The following ITGA8 variants were observed in gnomAD, a reference collection of about 807,000 sequenced individuals.
ITGA8 encodes integrin subunit alpha 8.
A neutral mutation model predicts 142.3 loss-of-function variants in ITGA8; 91 were observed. That is an observed-to-expected ratio of 0.64 (90% CI 0.54 to 0.76). The LOEUF is 0.76. Among genes scored for constraint, ITGA8 ranks in the 30% least tolerant of loss-of-function variants. The probability of loss-of-function intolerance (pLI) is 0.00; values close to 1 mark genes in which losing one functional copy is unlikely to be tolerated. For missense variants in ITGA8, 1,406 were observed against 1,327.7 expected, an observed-to-expected ratio of 1.06 and a Z score of -0.92; for synonymous variants, 505 against 485.2, an observed-to-expected ratio of 1.04 and a Z score of -0.54.
rs9333172 is a variant in ITGA8, at chr10:15,592,667, C to T, written c.2212-363G>A. ...TCACCCAGGCTGGAGTGCATTAGTG[C>T]GAGCATGGCTCACTGCAGCCTCAAC... On this transcript the variant is annotated intron_variant, in intron 21 of 29. Transcript: ENST00000378076. 2.4e-3 allele frequency among the ~76,000 whole-genome samples: 369 copies of T among 152,300 alleles called. 2 individuals carry two copies. The highest frequency in any genetic ancestry group is 8.3e-3 in the African/African-American group (346 of 41,570).
At chr10:15,534,802 T>A (rs570548978) in intron 27 of ITGA8, among the ~76,000 whole-genome samples, 110 of 152,324 alleles carry the variant, frequency 7.2e-4, no homozygotes, top group African/African-American at 2.6e-3. Context: ...GGTGACAGCA[T>A]GCTGGCAGCC....
At chr10:15,666,592 G>C (rs951931137) in intron 8 of ITGA8, among the ~76,000 whole-genome samples, 1 of 152,136 alleles carries the variant, frequency 6.6e-6, no homozygotes, top group African/African-American at 2.4e-5. Context: ...TCCCTGTCTT[G>C]TGCCAGTTTT....
At chr10:15,595,730 A>G (rs1833000657) in intron 21 of ITGA8, among the ~76,000 whole-genome samples, 1 of 152,024 alleles carries the variant, frequency 6.6e-6, no homozygotes, top group Non-Finnish European at 1.5e-5. Flanking sequence ...TACCACCTCA[A>G]TTCATTTCTC....
intron 20 of ITGA8, 94 bp downstream of exon 20, chr10:15,604,114 G>T: frequency 8.8e-7 from 1 of 1,141,334 alleles, no homozygotes; most frequent in Non-Finnish European, 1.3e-6. Flanking sequence ...CTTTCATTAA[G>T]GAAGAAACTC....
At chr10:15,712,077 T>C (rs1835373503) in intron 2 of ITGA8, among the ~76,000 whole-genome samples, 1 of 152,230 alleles carries the variant, frequency 6.6e-6, no homozygotes, top group Non-Finnish European at 1.5e-5. Context: ...TAACCTGGAA[T>C]TGAAATTACT....
At chr10:15,675,154 G>A (rs1029310646) in intron 6 of ITGA8, among the ~76,000 whole-genome samples, 1 of 152,158 alleles carries the variant, frequency 6.6e-6, no homozygotes, top group African/African-American at 2.4e-5. Context: ...CCAGTATGAA[G>A]TGATGAAAAT....
intron 13 of ITGA8, among the ~76,000 whole-genome samples, chr10:15,635,003 C>CTTTTTTTTTTTTTT (rs915334219): frequency 3.7e-5 from 4 of 107,232 alleles, no homozygotes; most frequent in East Asian, 2.6e-4. Context: ...TTCTTTCTTT[C>CTTTTTTTTTTTTTT]TTTTTTTTTT....
At chr10:15,586,762 C>T (rs534933557) in intron 22 of ITGA8, 98 bp from the exon 23 acceptor site, 22 of 681,778 alleles carry the variant, frequency 3.2e-5, no homozygotes, top group South Asian at 2.3e-4. Flanking sequence ...GGAGAACACA[C>T]GTTACTAACC....
At chr10:15,575,050 G>T (rs1461681936) in intron 24 of ITGA8, among the ~76,000 whole-genome samples, 1 of 152,130 alleles carries the variant, frequency 6.6e-6, no homozygotes, top group Non-Finnish European at 1.5e-5. Flanking sequence ...CCCCACTGCA[G>T]TATGAGAGCA....
At chr10:15,564,666 G>A (rs1404902152) in intron 25 of ITGA8, among the ~76,000 whole-genome samples, 1 of 152,206 alleles carries the variant, frequency 6.6e-6, no homozygotes, top group East Asian at 1.9e-4. Context: ...ATACTGTGCA[G>A]CCAGGATGTG....
chr10:15,608,144 T>C, intron 16 of ITGA8, 91 bp downstream of exon 16: 1 of 888,462 alleles, frequency 1.1e-6, no homozygotes, highest in Non-Finnish European at 1.8e-6. Flanking sequence ...CCTCAAGGGT[T>C]CTTTCATTTT....
At chr10:15,617,415 T>C (rs1272952153) in intron 13 of ITGA8, among the ~76,000 whole-genome samples, 4 of 152,112 alleles carry the variant, frequency 2.6e-5, no homozygotes, top group African/African-American at 9.7e-5. Flanking sequence ...TTTTTTTCTT[T>C]TTTGACAGAG....
intron 26 of ITGA8, among the ~76,000 whole-genome samples, chr10:15,549,201 G>GTTTT (rs67683436): frequency 7.5e-5 from 8 of 107,342 alleles, no homozygotes; most frequent in African/African-American, 3.7e-4. Flanking sequence ...TTTCTTTTCT[G>GTTTT]TTTTTTTTTT....
chr10:15,525,379 A>T (rs1833152179), intron 28 of ITGA8, among the ~76,000 whole-genome samples: 1 of 152,138 alleles, frequency 6.6e-6, no homozygotes, highest in Admixed American at 6.5e-5. Flanking sequence ...ACGGTGGCTC[A>T]CATCTGTAAT....
At chr10:15,603,432 A>G (rs913175035) in intron 20 of ITGA8, among the ~76,000 whole-genome samples, 1 of 152,218 alleles carries the variant, frequency 6.6e-6, no homozygotes, top group African/African-American at 2.4e-5. Context: ...ACCTCATCCT[A>G]TGAAAGGAAA....
chr10:15,594,030 C>T (rs1832971894), intron 21 of ITGA8, among the ~76,000 whole-genome samples: 1 of 151,754 alleles, frequency 6.6e-6, no homozygotes, highest in South Asian at 2.1e-4. Flanking sequence ...TTAGAAGAGA[C>T]GGGGTTTCAT....
rs1388721305 is a variant in ITGA8, at chr10:15,533,603, T to G, written c.2881-2452A>C. Among the ~76,000 whole-genome samples, 3 of 152,336 alleles carry G rather than the reference T, an allele frequency of 2.0e-5. No homozygotes were observed. The East Asian group carries it at 5.8e-4, about 29-fold the overall frequency. The stretch of plus-strand genomic sequence containing the variant: ...CCAAACCTCCAATGAAGAAGTTTTC[T>G]TTTATCTCCAAGTTCAATAAAAAAT... On this transcript the variant is annotated intron_variant, in intron 27 of 29. Coordinates refer to ENST00000378076, the MANE Select transcript of ITGA8 (RefSeq NM_003638.3).
Position 15,718,909 on chromosome 10 carries a change from A to G in ITGA8, c.210-10T>C, listed in dbSNP as rs2131746887. On this transcript the variant is annotated splice_polypyrimidine_tract_variant and intron_variant, in intron 1 of 29. Transcript: ENST00000378076. Reference sequence around the variant, plus strand: ...CACCAAGACACTCGCTCTGCAAAAGAGTTGGAGAAAGTCACTCTTTGGGCG... The same window carrying G: ...CACCAAGACACTCGCTCTGCAAAAGGGTTGGAGAAAGTCACTCTTTGGGCG... The G allele has an allele frequency of 3.7e-6, 6 of 1,613,728 alleles. No individual in the cohort carries two copies. In the South Asian group the frequency reaches 5.5e-5, roughly 15 times the overall value.
At chr10:15,710,235 A>G (rs1471571915) in intron 2 of ITGA8, among the ~76,000 whole-genome samples, 1 of 152,168 alleles carries the variant, frequency 6.6e-6, no homozygotes, top group African/African-American at 2.4e-5. Context: ...TGTAGACACA[A>G]TTTTGACTTT....
Sources: allele counts gnomAD v4.1 joint callset (sites outside exome capture counted in the v4.1 genomes callset), GRCh38; gene constraint gnomAD v4.1.1; transcripts MANE v1.5; gene names NCBI Gene and HGNC (gene_info 2026-07-23, HGNC 2026-07-21).